PCDH15: variants seen among roughly 807,000 people sequenced by gnomAD.
The protein encoded by PCDH15 is protocadherin related 15.
Under a neutral mutation model 178.5 loss-of-function variants are expected in PCDH15, and 129 were observed. That is an observed-to-expected ratio of 0.72 (90% CI 0.63 to 0.84). The LOEUF is 0.84. Ranked by LOEUF, PCDH15 falls within the 40% of genes least tolerant of loss-of-function variation. The pLI, the probability that PCDH15 is intolerant of heterozygous loss-of-function variation, is 0.00. For missense variants in PCDH15, 2,230 were observed against 2,099.9 expected (o/e 1.06, Z -1.21); for synonymous variants, 800 against 732.0 (o/e 1.09, Z -1.50).
intron 1 of PCDH15, among the ~76,000 whole-genome samples, chr10:54,671,167 T>C (rs1469934740): frequency 6.6e-6 from 1 of 152,128 alleles, no homozygotes; most frequent in Admixed American, 6.5e-5. Flanking sequence ...AAATTTAAAA[T>C]GGAGTTTTAA....
chr10:54,710,200 C>T (rs1472047158), intron 1 of PCDH15, among the ~76,000 whole-genome samples: 1 of 151,882 alleles, frequency 6.6e-6, no homozygotes, highest in Non-Finnish European at 1.5e-5. Context: ...TGCAATCAGT[C>T]CCACTCAAGT....
chr10:53,854,504 T>C (rs2078597745), intron 28 of PCDH15, among the ~76,000 whole-genome samples: 1 of 151,994 alleles, frequency 6.6e-6, no homozygotes, highest in Non-Finnish European at 1.5e-5. Context: ...CAACATGAGA[T>C]AGAGGTCTTT....
chr10:54,285,113 T>C (rs2058952815), intron 8 of PCDH15, among the ~76,000 whole-genome samples: 1 of 152,190 alleles, frequency 6.6e-6, no homozygotes, highest in African/African-American at 2.4e-5. Flanking sequence ...GAACCTACTG[T>C]TTCCTGGCCT....
At chr10:54,485,773 A>C (rs988954874) in intron 3 of PCDH15, among the ~76,000 whole-genome samples, 2 of 152,030 alleles carry the variant, frequency 1.3e-5, no homozygotes, top group Non-Finnish European at 2.9e-5. Context: ...GCGTGTGTGC[A>C]ATTCACATTG....
intron 26 of PCDH15, among the ~76,000 whole-genome samples, chr10:53,890,223 C>T (rs750675598): frequency 1.6e-4 from 24 of 152,140 alleles, no homozygotes; most frequent in Non-Finnish European, 3.5e-4. Flanking sequence ...GTCAGGAGAT[C>T]GAGACCATCC....
chr10:54,325,163 C>T (rs191118992), intron 7 of PCDH15, among the ~76,000 whole-genome samples: 4 of 152,046 alleles, frequency 2.6e-5, no homozygotes, highest in South Asian at 2.1e-4. Flanking sequence ...AGTCAAAACT[C>T]AATTACCTTA....
chr10:54,150,848 C>T lies in PCDH15; in HGVS notation c.1784+2252G>A, dbSNP rs1446560100. Among the ~76,000 whole-genome samples the T allele has an allele frequency of 3.3e-5, 5 of 152,000 alleles. No individual in the cohort carries two copies. In the East Asian group the frequency reaches 5.8e-4, roughly 18 times the overall value. On this transcript the variant is annotated intron_variant, in intron 14 of 37. Coordinates refer to ENST00000644397, the MANE Select transcript of PCDH15 (RefSeq NM_001384140.1). ...GATTTCTCAAAAAGAAAAGTACAGA[C>T]TAATTTTATTAAATAAAATAACAGC...
intron 1 of PCDH15, among the ~76,000 whole-genome samples, chr10:54,678,489 C>T (rs1275649593): frequency 6.6e-6 from 1 of 152,096 alleles, no homozygotes; most frequent in African/African-American, 2.4e-5. Flanking sequence ...CTAAGACTGG[C>T]ATTTCAACTT....
intron 15 of PCDH15, among the ~76,000 whole-genome samples, chr10:54,091,664 T>G (rs1269536332): frequency 6.6e-6 from 1 of 152,208 alleles, no homozygotes; most frequent in Non-Finnish European, 1.5e-5. Flanking sequence ...AAGAAAATCT[T>G]TGCAAGATTA....
intron 9 of PCDH15, among the ~76,000 whole-genome samples, chr10:54,232,669 G>T (rs1016155455): frequency 1.3e-5 from 2 of 151,806 alleles, no homozygotes; most frequent in African/African-American, 4.8e-5. Context: ...GGCATAAATT[G>T]TATATAATAT....
At chr10:54,585,382 T>C (rs949313130) in intron 2 of PCDH15, among the ~76,000 whole-genome samples, 1 of 152,160 alleles carries the variant, frequency 6.6e-6, no homozygotes, top group Non-Finnish European at 1.5e-5. Context: ...TCGGCTTTAT[T>C]AAGGTTTTCA....
At position 53,944,556 on chromosome 10, in the gene PCDH15, CT is replaced by C. The variant is rs1305529176; in HGVS notation, c.3123-3582del. Among the ~76,000 whole-genome samples, 42 of 152,230 alleles carry C rather than the reference CT, an allele frequency of 2.8e-4. 1 individual carries two copies. The highest frequency in any genetic ancestry group is 1.5e-5 in the Non-Finnish European group (1 of 68,026). ...ATCACTAGCTCTCTTCCAATTTAAG[CT>C]TTTCGCACCTGATTTATAACAAATA... On this transcript the variant is annotated intron_variant, in intron 23 of 37. Coordinates refer to ENST00000644397, the MANE Select transcript of PCDH15 (RefSeq NM_001384140.1).
chr10:54,796,316 A>ATCTATCTATCTATCTC, intron 1 of PCDH15, among the ~76,000 whole-genome samples: 1 of 149,366 alleles, frequency 6.7e-6, no homozygotes, highest in African/African-American at 2.5e-5. Flanking sequence ...CTATCTATCT[A>ATCTATCTATCTATCTC]TCTATCATCA....
intron 19 of PCDH15, among the ~76,000 whole-genome samples, chr10:54,020,979 G>T (rs1225203998): frequency 6.6e-6 from 1 of 151,990 alleles, no homozygotes; most frequent in African/African-American, 2.4e-5. Context: ...TACTTCCTTT[G>T]ATTTAACTAG....
chr10:54,564,346 T>A, intron 2 of PCDH15, among the ~76,000 whole-genome samples: 1 of 152,180 alleles, frequency 6.6e-6, no homozygotes, highest in East Asian at 1.9e-4. Flanking sequence ...GAAGTATGGC[T>A]AAATAGGAAT....
intron 2 of PCDH15, among the ~76,000 whole-genome samples, chr10:54,548,877 A>C (rs2086195997): frequency 6.6e-6 from 1 of 151,252 alleles, no homozygotes; most frequent in Non-Finnish European, 1.5e-5. Flanking sequence ...GTGTAGGGAA[A>C]ACATAATTGC....
At chr10:54,236,721 A>G in intron 9 of PCDH15, 102 bp downstream of exon 9, 1 of 995,688 alleles carries the variant, frequency 1.0e-6, no homozygotes, top group Non-Finnish European at 1.6e-6. Context: ...ATCATGTCAA[A>G]TAATAAACTT....
At chr10:55,223,401 T>C (rs1840939484) in intron 1 of PCDH15, among the ~76,000 whole-genome samples, 1 of 152,152 alleles carries the variant, frequency 6.6e-6, no homozygotes, top group Admixed American at 6.5e-5. Flanking sequence ...TTGGTAATTA[T>C]TTTGGTTTGT....
At chr10:53,832,737 G>A (rs1431908655) in intron 29 of PCDH15, among the ~76,000 whole-genome samples, 2 of 151,938 alleles carry the variant, frequency 1.3e-5, no homozygotes, top group Non-Finnish European at 2.9e-5. Flanking sequence ...CCATGCTTGT[G>A]TACTTTTTTC....
Sources: allele counts gnomAD v4.1 joint callset (sites outside exome capture counted in the v4.1 genomes callset), GRCh38; gene constraint gnomAD v4.1.1; transcripts MANE v1.5; gene names NCBI Gene and HGNC (gene_info 2026-07-23, HGNC 2026-07-21).